Variants in FBXL7 observed in about 807,000 individuals in gnomAD.
FBXL7 encodes the protein F-box and leucine rich repeat protein 7.
In FBXL7, 12 loss-of-function variants were observed where a neutral mutation model predicts 38.3. The observed-to-expected ratio is 0.31, with a 90% CI of 0.20 to 0.51. The LOEUF is 0.51. Among genes scored for constraint, FBXL7 ranks in the 20% least tolerant of loss-of-function variants. The pLI is 0.98. For missense variants in FBXL7, 567 were observed against 676.4 expected, an observed-to-expected ratio of 0.84 and a Z score of 1.79; for synonymous variants, 297 against 300.9, an observed-to-expected ratio of 0.99 and a Z score of 0.13.
rs143074426 is a variant in FBXL7 at position 15,888,857 on chromosome 5, G to C, written c.128-39033G>C. 4.6e-3 allele frequency among the ~76,000 whole-genome samples: 703 copies of C among 152,144 alleles called. 3 individuals carry two copies. Among genetic ancestry groups the C allele is most frequent in the African/African-American group, 0.016 (676 of 41,502 alleles). On this transcript the variant is annotated intron_variant, in intron 2 of 3. Transcript: ENST00000504595. ...GATAAATTGAAATTACTTGAATAGTGATATATTTAAAGAGATAATCTAGAC... is the reference window on the plus strand; with the variant it reads ...GATAAATTGAAATTACTTGAATAGTCATATATTTAAAGAGATAATCTAGAC...
chr5:15,541,815 GATTACAGGCATGAGCCACCATGC>G (rs1737762817), intron 1 of FBXL7, among the ~76,000 whole-genome samples: 1 of 151,782 alleles, frequency 6.6e-6, no homozygotes, highest in African/African-American at 2.4e-5. Context: ...AAAGTGCTAG[GATTACAGGCATGAGCCACCATGC>G]CTGGCTCCCA....
chr5:15,536,990 G>A (rs1031391173), intron 1 of FBXL7, among the ~76,000 whole-genome samples: 1 of 152,182 alleles, frequency 6.6e-6, no homozygotes, highest in African/African-American at 2.4e-5. Context: ...GTGAGTTCTT[G>A]TGAGATCTGA....
chr5:15,781,898 A>T (rs1579457692), intron 2 of FBXL7, among the ~76,000 whole-genome samples: 1 of 152,184 alleles, frequency 6.6e-6, no homozygotes, highest in South Asian at 2.1e-4. Context: ...TTTTACATAG[A>T]TATACATGTG....
chr5:15,666,941 G>A (rs1050859483), intron 2 of FBXL7, among the ~76,000 whole-genome samples: 4 of 152,152 alleles, frequency 2.6e-5, no homozygotes, highest in Non-Finnish European at 4.4e-5. Context: ...TTAGTGTGAC[G>A]TCAAGTTTTT....
At chr5:15,906,086 G>C (rs535249142) in intron 2 of FBXL7, among the ~76,000 whole-genome samples, 26 of 152,122 alleles carry the variant, frequency 1.7e-4, no homozygotes, top group Admixed American at 8.5e-4. Context: ...TAAAAGCAAA[G>C]ATTGCCTAGA....
chr5:15,662,455 T>C (rs1197024604), intron 2 of FBXL7, among the ~76,000 whole-genome samples: 1 of 152,180 alleles, frequency 6.6e-6, no homozygotes. Context: ...CTGTAGGTTG[T>C]CTGTTTACTC....
intron 1 of FBXL7, among the ~76,000 whole-genome samples, chr5:15,555,001 G>A (rs1312297832): frequency 6.6e-6 from 1 of 152,202 alleles, no homozygotes; most frequent in Non-Finnish European, 1.5e-5. Context: ...GCTTAAATAT[G>A]ACTCAAAGCA....
intron 2 of FBXL7, among the ~76,000 whole-genome samples, chr5:15,859,281 A>C (rs1374082552): frequency 6.6e-6 from 1 of 152,162 alleles, no homozygotes; most frequent in Non-Finnish European, 1.5e-5. Context: ...TAAGATAAGC[A>C]TGATTACCCC....
Position 15,609,946 on chromosome 5 carries a change from ACT to A in FBXL7, c.38-6035_38-6034del, listed in dbSNP as rs367827399. On this transcript the variant is annotated intron_variant, in intron 1 of 3. Transcript: ENST00000504595. The stretch of plus-strand genomic sequence containing the variant: ...TTACAAAGAAAAAGAGGTGTAATGG[ACT>A]CACAGTTCCACATGGCTGGGTAGGC... 3.5e-4 allele frequency among the ~76,000 whole-genome samples: 54 copies of A among 152,282 alleles called. 2 individuals carry two copies. In the South Asian group the frequency reaches 0.011, roughly 32 times the overall value.
At chr5:15,748,172 T>C (rs1736063168) in intron 2 of FBXL7, among the ~76,000 whole-genome samples, 1 of 152,104 alleles carries the variant, frequency 6.6e-6, no homozygotes, top group South Asian at 2.1e-4. Context: ...TGGCATCTTG[T>C]GGGTAGAGAG....
At chr5:15,935,293 C>T (rs1367914467) in intron 3 of FBXL7, 1 of 522,372 alleles carries the variant, frequency 1.9e-6, no homozygotes, top group South Asian at 1.4e-5. Context: ...TCCAAGACAC[C>T]TCGGGCAGAT....
intron 2 of FBXL7, among the ~76,000 whole-genome samples, chr5:15,722,794 A>C (rs998329630): frequency 2.6e-5 from 4 of 152,048 alleles, no homozygotes; most frequent in Non-Finnish European, 5.9e-5. Flanking sequence ...GTGGTGGTGC[A>C]TGCCTGTAGT....
At chr5:15,840,559 A>G (rs1377607755) in intron 2 of FBXL7, among the ~76,000 whole-genome samples, 1 of 152,212 alleles carries the variant, frequency 6.6e-6, no homozygotes, top group African/African-American at 2.4e-5. Context: ...ATTGCTATTT[A>G]ATAATAGATT....
intron 2 of FBXL7, 126 bp downstream of exon 2, chr5:15,616,198 A>G (rs1580409157): frequency 8.9e-6 from 5 of 564,686 alleles, no homozygotes; most frequent in Non-Finnish European, 1.5e-5. Flanking sequence ...CTTAAAAATG[A>G]GGATGTTCAG....
intron 2 of FBXL7, among the ~76,000 whole-genome samples, chr5:15,916,468 G>C (rs13154254): frequency 0.34 from 52,232 of 151,932 alleles, 9,273 homozygotes; most frequent in Admixed American, 0.52. Flanking sequence ...CGAGCAGGGA[G>C]CCAGATACAG....
chr5:15,644,153 G>A lies in FBXL7; in HGVS notation c.127+28081G>A, dbSNP rs531865922. 4.6e-5 allele frequency among the ~76,000 whole-genome samples: 7 copies of A among 152,032 alleles called. No homozygotes were observed. In the South Asian group the frequency reaches 1.2e-3, roughly 27 times the overall value. ...ATTTGTCCCTACAAGGGAAAATACA[G>A]CAGCAATGTTAAAATGATAATGACG... On this transcript the variant is annotated intron_variant, in intron 2 of 3. Transcript: ENST00000504595.
chr5:15,592,678 G>C (rs1391050554), intron 1 of FBXL7, among the ~76,000 whole-genome samples: 1 of 152,074 alleles, frequency 6.6e-6, no homozygotes, highest in Non-Finnish European at 1.5e-5. Context: ...GGGAGGAGAA[G>C]ATTTGTATAC....
intron 1 of FBXL7, among the ~76,000 whole-genome samples, chr5:15,576,072 C>CTTTTTTTTT (rs35832237): frequency 1.3e-5 from 1 of 74,284 alleles, no homozygotes; most frequent in African/African-American, 5.7e-5. Context: ...GAATCTCATT[C>CTTTTTTTTT]TTTTTTTTTT....
At chr5:15,504,375 TC>T (rs1736587320) in intron 1 of FBXL7, among the ~76,000 whole-genome samples, 3 of 152,240 alleles carry the variant, frequency 2.0e-5, no homozygotes. Flanking sequence ...TAAATATTCC[TC>T]CCACTTTTGT....
Sources: gnomAD v4.1 joint callset for allele counts (sites outside exome capture counted in the v4.1 genomes callset) on GRCh38, gnomAD v4.1.1 for gene constraint, MANE v1.5 for transcripts, NCBI Gene and HGNC (gene_info 2026-07-23, HGNC 2026-07-21) for gene names.